The following EXOSC4 variants were observed in gnomAD, a reference collection of about 807,000 sequenced individuals.
EXOSC4 encodes the protein exosome component 4.
Under a neutral mutation model 20.0 loss-of-function variants are expected in EXOSC4, and 14 were observed. The ratio of observed to expected loss-of-function variants is 0.70; its 90% CI spans 0.46 to 1.09. EXOSC4 has a LOEUF of 1.09. EXOSC4 is among the 50% of genes least tolerant of loss of function. The probability of loss-of-function intolerance (pLI) is 0.00; values close to 1 mark genes in which losing one functional copy is unlikely to be tolerated. For synonymous variants in EXOSC4, 148 were observed against 146.4 expected, an observed-to-expected ratio of 1.01 and a Z score of -0.08; for missense variants, 337 against 334.0, an observed-to-expected ratio of 1.01 and a Z score of -0.07.
At chr8:144,076,493 G>A (rs781868630), upstream of EXOSC4, among the ~76,000 whole-genome samples, 86 of 152,284 alleles carry the variant, frequency 5.6e-4, 1 homozygote, top group Middle Eastern at 6.8e-3. Context: ...TAAAGCTGGA[G>A]TACGAGGGTC....
At position 144,078,752 on chromosome 8, in the gene EXOSC4, G is replaced by C. The variant is rs781995308; in HGVS notation, c.24G>C (p.Ser8=). Residue 8 remains serine, a synonymous_variant, in exon 1 of 3, where the codon TCG becomes TCC. Transcript: ENST00000316052. The surrounding 1 kb of genome is among the most constrained non-coding windows in gnomAD (Gnocchi z 4.7). MAGLELL[S]DQGYRVDGRR... ...GCATGGCGGGGCTGGAGCTCTTGTCGGACCAGGGCTACCGGGTGGACGGGC... is the reference window on the plus strand; with the variant it reads ...GCATGGCGGGGCTGGAGCTCTTGTCCGACCAGGGCTACCGGGTGGACGGGC... 6.0e-6 allele frequency: 9 copies of C among 1,490,160 alleles called. No homozygotes were observed. The highest frequency in any genetic ancestry group is 6.3e-6 in the Non-Finnish European group (7 of 1,119,358). The allele number at this position is 1,490,160 out of a possible 1,614,324, so 92.3% of individuals were successfully genotyped here. A position where few individuals can be genotyped will look rare whatever the true frequency, so the allele number is the denominator to read the frequency against.
At position 144,079,980 on chromosome 8, in the gene EXOSC4, C is replaced by T. The variant is rs1319281596; in HGVS notation, c.209C>T (p.Ala70Val). Residue 70 changes from alanine to valine, a missense_variant, in exon 2 of 3, where the codon GCC becomes GTC. Physicochemically the swap from Ala to Val is moderately conservative, Grantham distance 64 (BLOSUM62 0). Transcript: ENST00000316052. ...GSRARALPDR[A>V]LVNCQYSSAT... ...CGGGCTCGAGCCCTGCCGGACAGGG[C>T]CCTAGTGAACTGTCAATATAGTTCA... The T allele has an allele frequency of 6.2e-7, 1 of 1,613,900 alleles. No homozygotes were observed. The highest frequency in any genetic ancestry group is 8.5e-7 in the Non-Finnish European group (1 of 1,180,034).
chr8:144,064,705 C>T, the EXOSC4 span, among the ~76,000 whole-genome samples: 31 of 152,324 alleles, frequency 2.0e-4, no homozygotes, highest in Admixed American at 9.1e-4. Flanking sequence ...ATGGGCCAGG[C>T]GGCCCACCAG....
intron 1 of EXOSC4, chr8:144,079,214 T>C (rs1211876357): frequency 1.4e-5 from 4 of 294,802 alleles, no homozygotes; most frequent in African/African-American, 8.8e-5. Flanking sequence ...GACCTTATTA[T>C]CCACGCGGTA....
chr8:144,075,229 A>ATT (rs782139585), upstream of EXOSC4, among the ~76,000 whole-genome samples: 54 of 132,094 alleles, frequency 4.1e-4, 1 homozygote, highest in African/African-American at 1.2e-3. Context: ...TGTCCAGTTA[A>ATT]TTTTTTTTTT....
upstream of EXOSC4, among the ~76,000 whole-genome samples, chr8:144,077,177 G>A (rs1554762853): frequency 6.6e-6 from 1 of 152,190 alleles, no homozygotes; most frequent in East Asian, 1.9e-4. Context: ...CCCTGGAGGT[G>A]GAGGGTGCAG....
In EXOSC4 at chr8:144,078,780, C is replaced by T. The variant is rs782699055; in HGVS notation, c.52C>T (p.Arg18Cys). Residue 18 changes from arginine (R) to cysteine (C), a missense_variant, in exon 1 of 3, where the codon CGC becomes TGC. Coordinates refer to ENST00000316052, the MANE Select transcript of EXOSC4 (RefSeq NM_019037.3). This position sits in a 1 kb window ranked among gnomAD's most constrained non-coding sequence, Gnocchi z 4.7. Reference sequence around the variant, plus strand: ...CCAGGGCTACCGGGTGGACGGGCGGCGCGCCGGGGAGCTGCGCAAGATCCA... The same window carrying T: ...CCAGGGCTACCGGGTGGACGGGCGGTGCGCCGGGGAGCTGCGCAAGATCCA... ...SDQGYRVDGR[R>C]AGELRKIQAR... 1.2e-5 allele frequency: 18 copies of T among 1,542,862 alleles called. No individual in the cohort carries two copies. The East Asian group carries it at 4.1e-4, about 35-fold the overall frequency.
At chr8:144,073,798 C>A (rs1835812018), upstream of EXOSC4, among the ~76,000 whole-genome samples, 1 of 152,024 alleles carries the variant, frequency 6.6e-6, no homozygotes, top group South Asian at 2.1e-4. Context: ...TTGCAGTGAG[C>A]CAAGATCATG....
the EXOSC4 span, among the ~76,000 whole-genome samples, chr8:144,068,038 G>A: frequency 6.6e-6 from 1 of 152,190 alleles, no homozygotes. Context: ...AGCACAGGGA[G>A]GGGTTTTGTG....
chr8:144,080,302 C>G lies in EXOSC4; in HGVS notation c.439C>G (p.Leu147Val). The G allele has an allele frequency of 6.2e-7, 1 of 1,613,798 alleles. No individual in the cohort carries two copies. The highest frequency in any genetic ancestry group is 8.5e-7 in the Non-Finnish European group (1 of 1,180,032). The change falls in exon 3 of 3, where the codon CTG (leucine) becomes GTG (valine). Residue 147 changes from leucine (L) to valine (V), a missense_variant. Physicochemically the swap from Leu to Val is conservative, Grantham distance 32. Coordinates refer to ENST00000316052, the MANE Select transcript of EXOSC4 (RefSeq NM_019037.3). The surrounding 1 kb of genome is among the most constrained non-coding windows in gnomAD (Gnocchi z 4.9). ...TGTGAATGCAGCCACGCTGGCAGTG[C>G]TGGATGCCGGGATACCCATGAGAGA... ...ACVNAATLAV[L>V]DAGIPMRDFV...
chr8:144,070,255 G>A, the EXOSC4 span, among the ~76,000 whole-genome samples: 2 of 152,308 alleles, frequency 1.3e-5, no homozygotes, highest in Non-Finnish European at 2.9e-5. Context: ...CTTGGGGGGC[G>A]TGGCTCACAC....
upstream of EXOSC4, among the ~76,000 whole-genome samples, chr8:144,074,341 G>A (rs181644015): frequency 8.8e-4 from 134 of 152,240 alleles, no homozygotes; most frequent in African/African-American, 3.2e-3. Context: ...TTGAAGCTAC[G>A]TTTTGCTTGG....
the EXOSC4 span, among the ~76,000 whole-genome samples, chr8:144,066,586 T>A: frequency 6.6e-6 from 1 of 151,552 alleles, no homozygotes; most frequent in South Asian, 2.1e-4. Context: ...GGACTACAGG[T>A]GTGTGCCACC....
chr8:144,071,996 A>G, the EXOSC4 span, among the ~76,000 whole-genome samples: 35 of 152,288 alleles, frequency 2.3e-4, no homozygotes, highest in Non-Finnish European at 4.0e-4. Context: ...ATTAAAAAAT[A>G]AAATAAATGT....
At chr8:144,072,924 C>G in the EXOSC4 span, among the ~76,000 whole-genome samples, 1 of 152,206 alleles carries the variant, frequency 6.6e-6, no homozygotes, top group Non-Finnish European at 1.5e-5. Context: ...GAAGAGCAGG[C>G]AACAGTAAGT....
chr8:144,074,295 G>T (rs1420270925), upstream of EXOSC4, among the ~76,000 whole-genome samples: 1 of 152,234 alleles, frequency 6.6e-6, no homozygotes, highest in African/African-American at 2.4e-5. Flanking sequence ...TAGAGCTGGA[G>T]GGGGTGTTGT....
the EXOSC4 span, among the ~76,000 whole-genome samples, chr8:144,066,722 A>G: frequency 4.6e-5 from 7 of 151,988 alleles, no homozygotes; most frequent in East Asian, 9.8e-4. Context: ...GGGATTAGGG[A>G]TTACAAGTAT....
Position 144,080,220 on chromosome 8 carries a change from T to C in EXOSC4, c.379-22T>C. On this transcript the variant is annotated intron_variant, in intron 2 of 2. Transcript: ENST00000316052. This position sits in a 1 kb window ranked among gnomAD's most constrained non-coding sequence, Gnocchi z 4.9. The stretch of plus-strand genomic sequence containing the variant: ...GGGTTGGGGAGGGAGTCTGATAGAC[T>C]GACACCCTGGGTTCCCTGCAGGTGC... 6.2e-7 allele frequency: 1 copy of C among 1,610,820 alleles called. No homozygotes were observed. The highest frequency in any genetic ancestry group is 1.7e-5 in the Admixed American group (1 of 59,946).
At chr8:144,071,154 G>C in the EXOSC4 span, among the ~76,000 whole-genome samples, 1 of 143,570 alleles carries the variant, frequency 7.0e-6, no homozygotes, top group African/African-American at 2.6e-5. Flanking sequence ...AAAGTGTCCA[G>C]TTTCCTTTCT....
Sources: allele counts gnomAD v4.1 joint callset (sites outside exome capture counted in the v4.1 genomes callset), GRCh38; gene constraint gnomAD v4.1.1; non-coding constraint Gnocchi (gnomAD v3.1); transcripts MANE v1.5; gene names NCBI Gene and HGNC (gene_info 2026-07-23, HGNC 2026-07-21).